Variants in SH3RF3 observed in about 807,000 individuals in gnomAD.
The protein encoded by SH3RF3 is SH3 domain containing ring finger 3.
Under a neutral mutation model 66.3 loss-of-function variants are expected in SH3RF3, and 29 were observed. The ratio of observed to expected loss-of-function variants is 0.44; its 90% confidence interval spans 0.33 to 0.60. The LOEUF is 0.60. SH3RF3 is among the 20% of genes least tolerant of loss of function. The pLI is 0.04. For missense variants in SH3RF3, 1,194 were observed against 1,190.9 expected (o/e 1.00, Z -0.04); for synonymous variants, 583 against 532.0 (o/e 1.10, Z -1.32).
At chr2:109,423,209 C>T (rs939319890) in intron 5 of SH3RF3, among the ~76,000 whole-genome samples, 4 of 152,092 alleles carry the variant, frequency 2.6e-5, no homozygotes, top group Non-Finnish European at 4.4e-5. Context: ...GGTTGGCCTG[C>T]AACAGGGAAA....
At chr2:109,148,091 G>C (rs960780300) in intron 1 of SH3RF3, among the ~76,000 whole-genome samples, 3 of 152,186 alleles carry the variant, frequency 2.0e-5, no homozygotes, top group African/African-American at 7.2e-5. Flanking sequence ...ATCTGGCTGG[G>C]CTGCCAGCCG....
At position 109,430,113 on chromosome 2, in the gene SH3RF3, C is replaced by A. The variant is rs533418373; in HGVS notation, c.1404-2388C>A. Among the ~76,000 whole-genome samples the A allele has an allele frequency of 2.2e-3, 337 of 152,314 alleles. 2 individuals carry two copies. The highest frequency in any genetic ancestry group is 5.0e-3 in the Admixed American group (77 of 15,304). On this transcript the variant is annotated intron_variant, in intron 5 of 9. Coordinates refer to ENST00000309415, the MANE Select transcript of SH3RF3 (RefSeq NM_001099289.3). ...CTGCCTTGGCAGCTGATGAGCCCCCCACTCCAGAGGAAAGGCAGCCCCGGA... is the reference window on the plus strand; with the variant it reads ...CTGCCTTGGCAGCTGATGAGCCCCCAACTCCAGAGGAAAGGCAGCCCCGGA...
At chr2:109,299,876 A>G (rs1681413793) in intron 1 of SH3RF3, among the ~76,000 whole-genome samples, 2 of 152,234 alleles carry the variant, frequency 1.3e-5, no homozygotes, top group Admixed American at 1.3e-4. Context: ...AAAAAGCCCA[A>G]AATGAAAATT....
chr2:109,137,677 G>A (rs1676842538), intron 1 of SH3RF3, among the ~76,000 whole-genome samples: 1 of 152,242 alleles, frequency 6.6e-6, no homozygotes, highest in African/African-American at 2.4e-5. Flanking sequence ...GAGAGAAAGA[G>A]GAAAGATGAG....
At chr2:109,305,680 C>G (rs1574562542) in intron 1 of SH3RF3, among the ~76,000 whole-genome samples, 1 of 152,222 alleles carries the variant, frequency 6.6e-6, no homozygotes, top group African/African-American at 2.4e-5. Flanking sequence ...CCACTGCATG[C>G]CTGTCACTGT....
chr2:109,376,095 T>G (rs1163815919), intron 3 of SH3RF3, among the ~76,000 whole-genome samples: 6 of 152,194 alleles, frequency 3.9e-5, no homozygotes, highest in Non-Finnish European at 8.8e-5. Flanking sequence ...CACTGTCCTG[T>G]GCTGGTGGTG....
At position 109,501,835 on chromosome 2, in the gene SH3RF3, G is replaced by A. The variant is rs997278413; in HGVS notation, c.*164G>A. 2.4e-5 allele frequency: 14 copies of A among 587,878 alleles called. No homozygotes were observed. Among genetic ancestry groups the A allele is most frequent in the Non-Finnish European group, 3.6e-5 (12 of 329,932 alleles). 36.4% of individuals were successfully genotyped at this position (587,878 alleles called of 1,614,324 possible). A position where few individuals can be genotyped will look rare whatever the true frequency, so the allele number is the denominator to read the frequency against. ...GTGGGGGCCAGGGACTGTGGAGGTC[G>A]TGCCTTCTCCCAAAACCCCCAAACG... On this transcript the variant is annotated 3_prime_UTR_variant, in exon 10 of 10. Transcript: ENST00000309415.
At chr2:109,476,922 G>A (rs1559104258) in intron 8 of SH3RF3, among the ~76,000 whole-genome samples, 1 of 152,342 alleles carries the variant, frequency 6.6e-6, no homozygotes, top group East Asian at 1.9e-4. Flanking sequence ...GAGTGTAGCA[G>A]TGAGGACAAC....
chr2:109,445,402 A>G (rs1677676857), intron 7 of SH3RF3, among the ~76,000 whole-genome samples: 1 of 152,268 alleles, frequency 6.6e-6, no homozygotes, highest in African/African-American at 2.4e-5. Flanking sequence ...TTAAAGCATC[A>G]AAGGATAAGG....
intron 1 of SH3RF3, among the ~76,000 whole-genome samples, chr2:109,258,479 T>C (rs1680272395): frequency 6.6e-6 from 1 of 152,168 alleles, no homozygotes; most frequent in Non-Finnish European, 1.5e-5. Flanking sequence ...AGCCCACACC[T>C]ACCAGGGCCA....
chr2:109,156,180 T>G (rs763772221), intron 1 of SH3RF3, among the ~76,000 whole-genome samples: 19 of 152,362 alleles, frequency 1.2e-4, no homozygotes, highest in Non-Finnish European at 2.1e-4. Flanking sequence ...GAGCTCAGCT[T>G]CTTAACTCAG....
At chr2:109,323,569 C>A (rs1160392378) in intron 1 of SH3RF3, among the ~76,000 whole-genome samples, 1 of 152,178 alleles carries the variant, frequency 6.6e-6, no homozygotes, top group Non-Finnish European at 1.5e-5. Context: ...GAGCCCCCAG[C>A]GAAGCTTGAA....
At chr2:109,361,971 T>A (rs1264418230) in intron 2 of SH3RF3, among the ~76,000 whole-genome samples, 1 of 152,182 alleles carries the variant, frequency 6.6e-6, no homozygotes, top group Non-Finnish European at 1.5e-5. Flanking sequence ...TTTTTCTTAG[T>A]TTGCTTGCTA....
chr2:109,170,285 T>TCC (rs1558938238), intron 1 of SH3RF3, among the ~76,000 whole-genome samples: 1 of 127,010 alleles, frequency 7.9e-6, no homozygotes, highest in Non-Finnish European at 1.7e-5. Flanking sequence ...TTCTCTTCTC[T>TCC]TCTCTTCTCT....
At chr2:109,343,703 C>T (rs952615100) in intron 1 of SH3RF3, among the ~76,000 whole-genome samples, 1 of 151,772 alleles carries the variant, frequency 6.6e-6, no homozygotes, top group Non-Finnish European at 1.5e-5. Flanking sequence ...CGTACAATCT[C>T]CAGTCTGCCC....
intron 3 of SH3RF3, among the ~76,000 whole-genome samples, chr2:109,386,550 G>C (rs1675829670): frequency 6.6e-6 from 1 of 152,216 alleles, no homozygotes; most frequent in Non-Finnish European, 1.5e-5. Context: ...GCCTTGGTTT[G>C]CGGCCCTTGA....
chr2:109,316,627 GC>G (rs1664732496), intron 1 of SH3RF3, among the ~76,000 whole-genome samples: 2 of 152,114 alleles, frequency 1.3e-5, no homozygotes, highest in South Asian at 4.1e-4. Flanking sequence ...CTCCTGCCCC[GC>G]CCCCATGTGC....
At chr2:109,262,043 C>T (rs978837081) in intron 1 of SH3RF3, among the ~76,000 whole-genome samples, 10 of 152,128 alleles carry the variant, frequency 6.6e-5, no homozygotes, top group African/African-American at 2.2e-4. Context: ...GTCGGTGGCC[C>T]GGCTGCTGAT....
At chr2:109,179,703 G>T (rs1175765553) in intron 1 of SH3RF3, among the ~76,000 whole-genome samples, 1 of 152,072 alleles carries the variant, frequency 6.6e-6, no homozygotes, top group Non-Finnish European at 1.5e-5. Flanking sequence ...CCATCATGGG[G>T]GCCCTACCCT....
Sources: gnomAD v4.1 joint callset for allele counts (sites outside exome capture counted in the v4.1 genomes callset) on GRCh38, gnomAD v4.1.1 for gene constraint, MANE v1.5 for transcripts, NCBI Gene and HGNC (gene_info 2026-07-23, HGNC 2026-07-21) for gene names.